PEX7: variants seen among roughly 807,000 people sequenced by gnomAD.
PEX7 encodes PTS2 receptor.
Under a neutral mutation model 47.5 loss-of-function variants are expected in PEX7, and 34 were observed. The observed-to-expected ratio is 0.72, with a 90% CI of 0.54 to 0.95. The LOEUF (loss-of-function observed/expected upper bound fraction) is 0.95. Ranked by LOEUF, PEX7 falls within the 40% of genes least tolerant of loss-of-function variation. PEX7 has a pLI of 0.00. For synonymous variants in PEX7, 141 were observed against 148.8 expected, an observed-to-expected ratio of 0.95 and a Z score of 0.38; for missense variants, 394 against 400.3, an observed-to-expected ratio of 0.98 and a Z score of 0.13.
chr6:136,847,752 G>A (rs748840875), intron 5 of PEX7, among the ~76,000 whole-genome samples: 1 of 152,194 alleles, frequency 6.6e-6, no homozygotes, highest in Admixed American at 6.5e-5. Context: ...CTGTAGCCTT[G>A]TAGTATAGTT....
At chr6:136,855,070 A>T (rs1774834482) in intron 5 of PEX7, among the ~76,000 whole-genome samples, 1 of 151,904 alleles carries the variant, frequency 6.6e-6, no homozygotes, top group African/African-American at 2.4e-5. Flanking sequence ...CCTGGGCAAC[A>T]GAGCAAGACT....
In PEX7 at chr6:136,822,784, A is replaced by G. The variant is rs61753241; in HGVS notation, c.119A>G (p.Tyr40Cys). ...CTGGCCTGCGCCACCGCGCAGCACT[A>G]CGGCATCGCGGGTGAGGCGGCGCCG... is the stretch of plus-strand genomic sequence containing the variant. ...GRLACATAQH[Y>C]GIAGCGTLLI... is the part of the protein sequence containing the mutation. Residue 40 changes from tyrosine (Y) to cysteine (C), a missense_variant, in exon 1 of 10, where the codon TAC (tyrosine) becomes TGC (cysteine). Transcript: ENST00000318471. 3.7e-6 allele frequency: 5 copies of G among 1,353,930 alleles called. No homozygotes were observed. The highest frequency in any genetic ancestry group is 1.8e-5 in the South Asian group (1 of 54,624). The allele number at this position is 1,353,930 out of a possible 1,614,324, so 83.9% of individuals were successfully genotyped here. A position where few individuals can be genotyped will look rare whatever the true frequency, so the allele number is the denominator to read the frequency against.
intron 9 of PEX7, among the ~76,000 whole-genome samples, chr6:136,912,660 C>G (rs1775951860): frequency 1.3e-5 from 2 of 152,236 alleles, no homozygotes; most frequent in East Asian, 1.9e-4. Flanking sequence ...TTAAGTAGTG[C>G]AGCTTTGTTT....
At chr6:136,855,077 G>C (rs1423212308) in intron 5 of PEX7, among the ~76,000 whole-genome samples, 1 of 149,398 alleles carries the variant, frequency 6.7e-6, no homozygotes, top group East Asian at 2.0e-4. Flanking sequence ...AACAGAGCAA[G>C]ACTGTCTCAA....
At chr6:136,840,209 A>G (rs1774469674) in intron 3 of PEX7, among the ~76,000 whole-genome samples, 1 of 152,194 alleles carries the variant, frequency 6.6e-6, no homozygotes, top group Non-Finnish European at 1.5e-5. Flanking sequence ...AAAATGGTAT[A>G]TTGAACACAC....
chr6:136,850,917 GTTTTTTTTTTTTT>G (rs35220728), intron 5 of PEX7, among the ~76,000 whole-genome samples: 1 of 69,168 alleles, frequency 1.4e-5, no homozygotes, highest in African/African-American at 5.7e-5. Flanking sequence ...AAAACTGATG[GTTTTTTTTTTTTT>G]TTTTTTTTGC....
intron 8 of PEX7, among the ~76,000 whole-genome samples, chr6:136,884,189 G>T (rs1234486453): frequency 6.6e-6 from 1 of 152,174 alleles, no homozygotes; most frequent in Non-Finnish European, 1.5e-5. Flanking sequence ...TAATGCCTGT[G>T]TGAGTCTAGT....
chr6:136,878,717 AAT>A (rs1211422925), intron 8 of PEX7, among the ~76,000 whole-genome samples: 1 of 152,168 alleles, frequency 6.6e-6, no homozygotes, highest in Admixed American at 6.5e-5. Context: ...TTAGTGAACA[AAT>A]AGTCTTTTTA....
chr6:136,909,014 C>T (rs538069552), intron 9 of PEX7, among the ~76,000 whole-genome samples: 4 of 152,250 alleles, frequency 2.6e-5, no homozygotes, highest in South Asian at 2.1e-4. Context: ...CCCATAATTC[C>T]TCTATCATTT....
chr6:136,830,156 T>C, intron 3 of PEX7: 2 of 650,164 alleles, frequency 3.1e-6, no homozygotes, highest in Non-Finnish European at 5.5e-6. Flanking sequence ...TTGTGAGACC[T>C]TGCGTATGTC....
intron 9 of PEX7, among the ~76,000 whole-genome samples, chr6:136,912,658 T>C (rs2115299012): frequency 6.6e-6 from 1 of 152,300 alleles, no homozygotes; most frequent in African/African-American, 2.4e-5. Context: ...TGTTAAGTAG[T>C]GCAGCTTTGT....
At chr6:136,872,905 A>G (rs897153734) in intron 8 of PEX7, among the ~76,000 whole-genome samples, 3 of 152,180 alleles carry the variant, frequency 2.0e-5, no homozygotes, top group African/African-American at 7.2e-5. Flanking sequence ...TACCTTTGAA[A>G]AAAACAATCT....
At position 136,894,574 on chromosome 6, in the gene PEX7, A is replaced by G. The variant is rs1054069056; in HGVS notation, c.804-3568A>G. On this transcript the variant is annotated intron_variant, in intron 8 of 9. Coordinates refer to ENST00000318471, the MANE Select transcript of PEX7 (RefSeq NM_000288.4). ...CACTGCACTCCAGCCTGGGCGACAG[A>G]GTGAGACTCCATCTCAAAAAAAATA... Among the ~76,000 whole-genome samples, 5 of 152,328 alleles carry G rather than the reference A, an allele frequency of 3.3e-5. No individual in the cohort carries two copies. The South Asian group carries it at 1.0e-3, about 32-fold the overall frequency.
At chr6:136,909,631 T>G (rs1775901863) in intron 9 of PEX7, among the ~76,000 whole-genome samples, 1 of 152,228 alleles carries the variant, frequency 6.6e-6, no homozygotes, top group Non-Finnish European at 1.5e-5. Context: ...TTAGCTTGCT[T>G]AAATTTGTAG....
intron 7 of PEX7, among the ~76,000 whole-genome samples, chr6:136,871,601 G>C (rs760898045): frequency 4.6e-5 from 7 of 151,698 alleles, no homozygotes; most frequent in Non-Finnish European, 1.0e-4. Flanking sequence ...CTCTGTCGCC[G>C]GGGCTGGAGT....
chr6:136,857,938 C>T (rs1774890598), intron 5 of PEX7, among the ~76,000 whole-genome samples: 1 of 152,114 alleles, frequency 6.6e-6, no homozygotes, highest in East Asian at 1.9e-4. Flanking sequence ...CCTCCCACCT[C>T]AGCCTACTAG....
At chr6:136,868,740 T>C (rs566794437) in intron 6 of PEX7, among the ~76,000 whole-genome samples, 4 of 146,084 alleles carry the variant, frequency 2.7e-5, no homozygotes, top group Non-Finnish European at 4.5e-5. Context: ...CTGCAACTAC[T>C]TTTGCGCCAA....
rs371055779 is a variant in PEX7, at chr6:136,857,676, A to C, written c.527-8951A>C. On this transcript the variant is annotated intron_variant, in intron 5 of 9. Transcript: ENST00000318471. ...TTAGGAGACTTTCTTTGGTCATGCC[A>C]TTTAAACCTCTTGTCTCCTCATTCC... Among the ~76,000 whole-genome samples, 254 of 88,850 alleles carry C rather than the reference A, an allele frequency of 2.9e-3. 2 individuals are homozygous for C. The highest frequency in any genetic ancestry group is 0.012 in the African/African-American group (249 of 21,228). The allele number at this position is 88,850 out of a possible 152,430, so 58.3% of individuals were successfully genotyped here.
chr6:136,896,330 C>T (rs185250093), intron 8 of PEX7, among the ~76,000 whole-genome samples: 24 of 152,328 alleles, frequency 1.6e-4, no homozygotes, highest in Admixed American at 9.8e-4. Flanking sequence ...ACCCGGATTA[C>T]ATCAAATTGA....
Sources: gnomAD v4.1 joint callset for allele counts (sites outside exome capture counted in the v4.1 genomes callset) on GRCh38, gnomAD v4.1.1 for gene constraint, MANE v1.5 for transcripts, NCBI Gene and HGNC (gene_info 2026-07-23, HGNC 2026-07-21) for gene names.